The following SDK1 variants were observed in gnomAD, a reference collection of about 807,000 sequenced individuals.
SDK1 encodes the protein sidekick cell adhesion molecule 1, also known as protein sidekick-1.
In SDK1, 157 loss-of-function variants were observed where a neutral mutation model predicts 245.5. The observed-to-expected ratio is 0.64, with a 90% CI of 0.56 to 0.73. The LOEUF (loss-of-function observed/expected upper bound fraction) is 0.73, where lower values mean the gene tolerates loss of function less well. Ranked by LOEUF, SDK1 falls within the 30% of genes least tolerant of loss-of-function variation. The pLI is 0.00. For missense variants in SDK1, 3,583 were observed against 3,002.3 expected, an observed-to-expected ratio of 1.19 and a Z score of -4.52; for synonymous variants, 1,647 against 1,278.5, an observed-to-expected ratio of 1.29 and a Z score of -6.15.
chr7:4,037,543 G>A (rs1788313317), intron 17 of SDK1, among the ~76,000 whole-genome samples: 1 of 152,136 alleles, frequency 6.6e-6, no homozygotes, highest in Non-Finnish European at 1.5e-5. Context: ...CCTGAGCCTG[G>A]GAGGTTGAGG....
chr7:4,002,217 C>T (rs979885055), intron 14 of SDK1, among the ~76,000 whole-genome samples: 1 of 148,002 alleles, frequency 6.8e-6, no homozygotes, highest in Admixed American at 6.9e-5. Context: ...TTTCGTAGCC[C>T]TGGCTGTGCC....
intron 1 of SDK1, among the ~76,000 whole-genome samples, chr7:3,388,568 C>G (rs1781667053): frequency 6.6e-6 from 1 of 151,762 alleles, no homozygotes; most frequent in South Asian, 2.1e-4. Context: ...TTGAATTTCT[C>G]AAATATTAAC....
At chr7:3,485,788 C>G (rs1387724226) in intron 1 of SDK1, among the ~76,000 whole-genome samples, 2 of 143,842 alleles carry the variant, frequency 1.4e-5, no homozygotes, top group Non-Finnish European at 3.0e-5. Flanking sequence ...AGTGCTATTC[C>G]CACGTAAGTG....
At chr7:4,177,609 TTA>T (rs2128218757) in intron 34 of SDK1, among the ~76,000 whole-genome samples, 1 of 152,254 alleles carries the variant, frequency 6.6e-6, no homozygotes, top group South Asian at 2.1e-4. Context: ...CAGGCCCAGG[TTA>T]TGTTATGTAT....
intron 4 of SDK1, among the ~76,000 whole-genome samples, chr7:3,805,596 GAGACTGT>G (rs1350973433): frequency 2.0e-5 from 3 of 152,160 alleles, no homozygotes; most frequent in Non-Finnish European, 4.4e-5. Flanking sequence ...TCCCCCAGTG[GAGACTGT>G]AGACTGTAGA....
At chr7:3,565,866 C>T (rs1238002217) in intron 1 of SDK1, among the ~76,000 whole-genome samples, 2 of 152,192 alleles carry the variant, frequency 1.3e-5, no homozygotes, top group Non-Finnish European at 2.9e-5. Context: ...CGAATATTTT[C>T]CATCCACAGT....
chr7:3,796,962 A>G (rs1462985754), intron 4 of SDK1, among the ~76,000 whole-genome samples: 1 of 152,020 alleles, frequency 6.6e-6, no homozygotes, highest in Non-Finnish European at 1.5e-5. Context: ...AAATGTGATC[A>G]TATATTTTCT....
At chr7:3,673,680 A>G (rs965084569) in intron 4 of SDK1, among the ~76,000 whole-genome samples, 51 of 152,200 alleles carry the variant, frequency 3.4e-4, no homozygotes, top group Non-Finnish European at 6.0e-4. Context: ...CTGCAAAGAC[A>G]AAAGCTCAGT....
chr7:3,934,757 A>G (rs909778170), intron 5 of SDK1, among the ~76,000 whole-genome samples: 2 of 152,240 alleles, frequency 1.3e-5, no homozygotes, highest in Non-Finnish European at 1.5e-5. Flanking sequence ...CCCCAGAAGT[A>G]GAGCCTGTGA....
intron 1 of SDK1, among the ~76,000 whole-genome samples, chr7:3,410,120 T>A (rs6978143): frequency 1.3e-5 from 2 of 152,078 alleles, no homozygotes; most frequent in Admixed American, 1.3e-4. Context: ...TTAAGTGTTA[T>A]CATAATCACA....
intron 5 of SDK1, among the ~76,000 whole-genome samples, chr7:3,855,582 CATAGAAG>C (rs144648933): frequency 0.014 from 2,112 of 152,146 alleles, 56 homozygotes; most frequent in African/African-American, 0.049. Context: ...AGTTAATGGA[CATAGAAG>C]ATAGAGCCAG....
intron 14 of SDK1, among the ~76,000 whole-genome samples, chr7:3,997,270 G>A (rs1367960254): frequency 6.6e-6 from 1 of 152,214 alleles, no homozygotes; most frequent in African/African-American, 2.4e-5. Context: ...GACAAATGGA[G>A]GGTGAGGAAG....
chr7:4,045,222 T>A (rs193264010), intron 17 of SDK1, among the ~76,000 whole-genome samples: 2 of 152,148 alleles, frequency 1.3e-5, no homozygotes, highest in East Asian at 1.9e-4. Flanking sequence ...TTAAAGCTGC[T>A]ATGAATATCA....
rs200411765 is a variant in SDK1, at chr7:4,245,679, C to T, written c.6255C>T (p.Ser2085=). 1.7e-5 allele frequency: 28 copies of T among 1,613,868 alleles called. No homozygotes were observed. The highest frequency in any genetic ancestry group is 1.3e-4 in the South Asian group (12 of 91,052). ...STFSKKNGTR[S]PPRPSPGGLH... ...GCAGCATGGGTCCTCATCCTAGGTCCCCACCCCGGCCTAGCCCCGGCGGCC... is the reference window on the plus strand; with the variant it reads ...GCAGCATGGGTCCTCATCCTAGGTCTCCACCCCGGCCTAGCCCCGGCGGCC... Residue 2085 remains serine, a synonymous_variant, in exon 44 of 45, where the codon TCC becomes TCT. Transcript: ENST00000404826.
At chr7:3,610,851 T>G (rs892823145) in intron 1 of SDK1, among the ~76,000 whole-genome samples, 4 of 152,238 alleles carry the variant, frequency 2.6e-5, no homozygotes, top group African/African-American at 9.6e-5. Context: ...ACCCTCCTGC[T>G]TTCTCTGTTT....
intron 4 of SDK1, 46 bp downstream of exon 4, chr7:3,642,151 A>G: frequency 3.2e-6 from 5 of 1,576,578 alleles, no homozygotes; most frequent in Non-Finnish European, 4.3e-6. Flanking sequence ...TTGTAATGTC[A>G]CTTGCTGGCA....
At chr7:3,876,237 T>C (rs979949446) in intron 5 of SDK1, among the ~76,000 whole-genome samples, 2 of 152,190 alleles carry the variant, frequency 1.3e-5, no homozygotes, top group Non-Finnish European at 2.9e-5. Flanking sequence ...TCCTGGCAAC[T>C]TTGTTCAAAG....
At chr7:3,809,076 C>G (rs770642160) in intron 4 of SDK1, among the ~76,000 whole-genome samples, 1 of 151,960 alleles carries the variant, frequency 6.6e-6, no homozygotes, top group Admixed American at 6.6e-5. Flanking sequence ...TGAATTGGCT[C>G]GTAGATCTGC....
chr7:3,619,886 C>T (rs573366463), intron 2 of SDK1, among the ~76,000 whole-genome samples: 1 of 151,664 alleles, frequency 6.6e-6, no homozygotes, highest in African/African-American at 2.4e-5. Context: ...TGTAGATTCA[C>T]CTGGAGGCAG....
Sources: gnomAD v4.1 joint callset for allele counts (sites outside exome capture counted in the v4.1 genomes callset) on GRCh38, gnomAD v4.1.1 for gene constraint, MANE v1.5 for transcripts, NCBI Gene and HGNC (gene_info 2026-07-23, HGNC 2026-07-21) for gene names.